LRRC3B: variants seen among roughly 807,000 people sequenced by gnomAD.
LRRC3B encodes leucine-rich repeat-containing protein 3B.
In LRRC3B, 2 loss-of-function variants were observed where a neutral mutation model predicts 12.8. That is an observed-to-expected ratio of 0.16 (90% CI 0.06 to 0.49). The LOEUF (loss-of-function observed/expected upper bound fraction) is 0.49. Among genes scored for constraint, LRRC3B ranks in the 20% least tolerant of loss-of-function variants. LRRC3B has a pLI of 0.96. For missense variants in LRRC3B, 189 were observed against 319.4 expected, an observed-to-expected ratio of 0.59 and a Z score of 3.11; for synonymous variants, 132 against 122.0, an observed-to-expected ratio of 1.08 and a Z score of -0.54.
intron 1 of LRRC3B, among the ~76,000 whole-genome samples, chr3:26,679,167 G>A (rs1174374118): frequency 6.6e-6 from 1 of 152,148 alleles, no homozygotes; most frequent in Non-Finnish European, 1.5e-5. Flanking sequence ...CTCTAGGTTG[G>A]ATGATCTGTC....
intron 1 of LRRC3B, among the ~76,000 whole-genome samples, chr3:26,674,500 CTAAA>C (rs1699817474): frequency 2.6e-5 from 4 of 152,108 alleles, no homozygotes; most frequent in Admixed American, 2.0e-4. Flanking sequence ...TTTAAAATTT[CTAAA>C]TAAATTATAT....
intron 1 of LRRC3B, among the ~76,000 whole-genome samples, chr3:26,680,917 C>T (rs1043459584): frequency 6.6e-6 from 1 of 152,136 alleles, no homozygotes; most frequent in African/African-American, 2.4e-5. Flanking sequence ...CATTATTAAT[C>T]ATAGAATTTA....
intron 1 of LRRC3B, among the ~76,000 whole-genome samples, chr3:26,709,066 C>T (rs1700681406): frequency 6.6e-6 from 1 of 152,206 alleles, no homozygotes; most frequent in Non-Finnish European, 1.5e-5. Context: ...AAAGCCATGA[C>T]AGATATCCCT....
intron 1 of LRRC3B, chr3:26,624,033 T>C (rs2125394400): frequency 6.6e-6 from 1 of 152,100 alleles, no homozygotes; most frequent in South Asian, 2.1e-4. Flanking sequence ...GGGATTTGAG[T>C]CCGGAGGGCG....
At chr3:26,685,594 C>CATAT (rs200275513) in intron 1 of LRRC3B, among the ~76,000 whole-genome samples, 2,236 of 126,178 alleles carry the variant, frequency 0.018, 44 homozygotes, top group Non-Finnish European at 0.028. Context: ...AAGCTTCACT[C>CATAT]ATATATATAT....
intron 1 of LRRC3B, among the ~76,000 whole-genome samples, chr3:26,632,832 C>T (rs895864344): frequency 6.6e-6 from 1 of 152,052 alleles, no homozygotes; most frequent in African/African-American, 2.4e-5. Flanking sequence ...TGTCGCTTTA[C>T]CTGCCATTTT....
At chr3:26,699,711 A>G (rs961901688) in intron 1 of LRRC3B, among the ~76,000 whole-genome samples, 2 of 152,320 alleles carry the variant, frequency 1.3e-5, no homozygotes, top group Non-Finnish European at 2.9e-5. Flanking sequence ...GCCTACATTT[A>G]TGTAGATTAG....
chr3:26,641,241 G>A (rs1180515753), intron 1 of LRRC3B, among the ~76,000 whole-genome samples: 1 of 152,156 alleles, frequency 6.6e-6, no homozygotes, highest in Non-Finnish European at 1.5e-5. Context: ...TGCCCCAGTA[G>A]CATAGGTGGC....
intron 1 of LRRC3B, among the ~76,000 whole-genome samples, chr3:26,626,580 G>T (rs1698630690): frequency 6.6e-6 from 1 of 152,036 alleles, no homozygotes; most frequent in African/African-American, 2.4e-5. Flanking sequence ...AATAAATTAT[G>T]CTCACTCCTG....
intron 1 of LRRC3B, 80 bp from the exon 2 acceptor site, chr3:26,709,433 C>T (rs1228727140): frequency 3.8e-6 from 2 of 530,202 alleles, no homozygotes; most frequent in Admixed American, 3.3e-5. Context: ...AGCAGAATGC[C>T]AGACACCTGA....
intron 1 of LRRC3B, among the ~76,000 whole-genome samples, chr3:26,695,661 T>C (rs1575171152): frequency 1.3e-5 from 2 of 152,330 alleles, no homozygotes; most frequent in East Asian, 3.9e-4. Flanking sequence ...GCATTATTTT[T>C]CCCCAATGTC....
At chr3:26,628,487 A>G (rs1698679619) in intron 1 of LRRC3B, among the ~76,000 whole-genome samples, 1 of 151,182 alleles carries the variant, frequency 6.6e-6, no homozygotes, top group South Asian at 2.1e-4. Flanking sequence ...TTTTATTTAA[A>G]AAAATATAAA....
intron 1 of LRRC3B, among the ~76,000 whole-genome samples, chr3:26,666,840 C>T (rs1276120530): frequency 6.6e-6 from 1 of 152,080 alleles, no homozygotes; most frequent in East Asian, 1.9e-4. Flanking sequence ...CTCAATATTT[C>T]CTTGCTTTTC....
chr3:26,667,119 G>GA (rs368094321), intron 1 of LRRC3B, among the ~76,000 whole-genome samples: 1,693 of 101,506 alleles, frequency 0.017, 34 homozygotes, highest in South Asian at 0.056. Context: ...TCACTTTCAA[G>GA]AAAAAAAAAA....
At chr3:26,643,649 TGGA>T (rs1406822695) in intron 1 of LRRC3B, among the ~76,000 whole-genome samples, 2 of 152,204 alleles carry the variant, frequency 1.3e-5, no homozygotes, top group Non-Finnish European at 2.9e-5. Flanking sequence ...AGTGATCTTC[TGGA>T]GGACACAAGG....
At chr3:26,653,907 T>C (rs1328565024) in intron 1 of LRRC3B, among the ~76,000 whole-genome samples, 1 of 152,208 alleles carries the variant, frequency 6.6e-6, no homozygotes, top group African/African-American at 2.4e-5. Flanking sequence ...TTAGACTATA[T>C]GGATATTGGA....
intron 1 of LRRC3B, among the ~76,000 whole-genome samples, chr3:26,660,697 C>A (rs1699474420): frequency 6.6e-6 from 1 of 152,054 alleles, no homozygotes; most frequent in South Asian, 2.1e-4. Flanking sequence ...TCTGACATAT[C>A]TAGATGTATA....
chr3:26,623,198 C>T lies in LRRC3B; in HGVS notation c.-200C>T, dbSNP rs1396231266. 1 of 152,506 alleles carries T rather than the reference C, an allele frequency of 6.6e-6. No individual in the cohort carries two copies. Among genetic ancestry groups the T allele is most frequent in the Non-Finnish European group, 1.5e-5 (1 of 68,288 alleles). 9.4% of individuals were successfully genotyped at this position (152,506 alleles called of 1,614,324 possible). On this transcript the variant is annotated 5_prime_UTR_variant, in exon 1 of 2. In the 5' UTR this introduces an upstream ATG that the reference lacks. Coordinates refer to ENST00000396641, the Ensembl canonical transcript of LRRC3B. ...CACCCAACGCCTCCTCCCTGAGCCA[C>T]GAGGATGGAGCAGCCACCCCGGCCC...
chr3:26,692,453 G>C (rs181319071), intron 1 of LRRC3B, among the ~76,000 whole-genome samples: 1 of 152,294 alleles, frequency 6.6e-6, no homozygotes, highest in East Asian at 1.9e-4. Context: ...CTGTGTATCA[G>C]TTTTTCTCAG....
Sources: allele counts gnomAD v4.1 joint callset (sites outside exome capture counted in the v4.1 genomes callset), GRCh38; gene constraint gnomAD v4.1.1; transcripts MANE v1.5; gene names NCBI Gene and HGNC (gene_info 2026-07-23, HGNC 2026-07-21).